Variants in CSMD1 observed in about 807,000 individuals in gnomAD.
The protein encoded by CSMD1 is CUB and Sushi multiple domains 1.
CSMD1 carries 213 observed loss-of-function variants against 417.5 expected under a neutral mutation model. The observed-to-expected ratio is 0.51, with a 90% CI of 0.46 to 0.57. The LOEUF (loss-of-function observed/expected upper bound fraction) is 0.57. Among genes scored for constraint, CSMD1 ranks in the 20% least tolerant of loss-of-function variants. The probability of loss-of-function intolerance (pLI) is 0.00; values close to 1 mark genes in which losing one functional copy is unlikely to be tolerated. For synonymous variants in CSMD1, 2,862 were observed against 1,736.8 expected (o/e 1.65, Z -16.11); for missense variants, 6,923 against 4,529.7 (o/e 1.53, Z -15.17).
intron 3 of CSMD1, among the ~76,000 whole-genome samples, chr8:4,333,629 GATCTAA>G (rs1425463284): frequency 6.6e-6 from 1 of 152,128 alleles, no homozygotes; most frequent in Non-Finnish European, 1.5e-5. Flanking sequence ...TAAGGAGAGT[GATCTAA>G]ATCTAGACAC....
chr8:4,077,654 G>T (rs997719182), intron 3 of CSMD1, among the ~76,000 whole-genome samples: 1 of 152,012 alleles, frequency 6.6e-6, no homozygotes, highest in Non-Finnish European at 1.5e-5. Context: ...CAAAAGGGAG[G>T]TATATTTGAT....
At chr8:3,134,360 A>G (rs1432374080) in intron 41 of CSMD1, among the ~76,000 whole-genome samples, 1 of 152,292 alleles carries the variant, frequency 6.6e-6, no homozygotes, top group East Asian at 1.9e-4. Context: ...TCTGGATTCC[A>G]CGGTCACAGG....
At chr8:2,984,142 G>C (rs1805653289) in intron 54 of CSMD1, among the ~76,000 whole-genome samples, 1 of 152,098 alleles carries the variant, frequency 6.6e-6, no homozygotes, top group Non-Finnish European at 1.5e-5. Context: ...CCATACATTT[G>C]GAGGTGCACT....
intron 5 of CSMD1, among the ~76,000 whole-genome samples, chr8:3,929,177 C>A (rs1412413113): frequency 1.3e-5 from 2 of 150,200 alleles, no homozygotes; most frequent in Admixed American, 1.3e-4. Flanking sequence ...AACAAGAGTG[C>A]AAGGCTGAGG....
At chr8:4,483,982 C>T (rs1334253218) in intron 2 of CSMD1, among the ~76,000 whole-genome samples, 3 of 152,072 alleles carry the variant, frequency 2.0e-5, no homozygotes, top group Admixed American at 2.0e-4. Flanking sequence ...TCGGAGAGAG[C>T]ACAGCCCTGG....
At chr8:3,123,798 C>T (rs1817345043) in intron 41 of CSMD1, among the ~76,000 whole-genome samples, 2 of 152,148 alleles carry the variant, frequency 1.3e-5, no homozygotes, top group South Asian at 4.1e-4. Context: ...CCTGGTGAAC[C>T]TTCACTTAAA....
intron 1 of CSMD1, among the ~76,000 whole-genome samples, chr8:4,905,619 G>A (rs60287847): frequency 0.056 from 8,433 of 151,458 alleles, 586 homozygotes; most frequent in African/African-American, 0.16. Flanking sequence ...TGAGATCGAG[G>A]CCATCCTGGC....
intron 3 of CSMD1, among the ~76,000 whole-genome samples, chr8:4,124,019 CTT>C (rs905792907): frequency 1.3e-5 from 2 of 150,592 alleles, no homozygotes; most frequent in African/African-American, 4.9e-5. Flanking sequence ...GATTATCTAA[CTT>C]TTTTTTTTCT....
rs156067 is a variant in CSMD1 at position 3,335,184 on chromosome 8, T to C, written c.3631+8110A>G. ...TCTCCCTCCCTCTCATGTCACTTGT[T>C]AGGGGTATTGGTGAACCAGCCTCTA... On this transcript the variant is annotated intron_variant, in intron 23 of 69. Transcript: ENST00000635120. Among the ~76,000 whole-genome samples the C allele has an allele frequency of 8.9e-3, 1,356 of 152,244 alleles. 25 individuals carry two copies. The highest frequency in any genetic ancestry group is 0.03 in the African/African-American group (1,261 of 41,544).
chr8:4,218,168 G>C (rs1800798247), intron 3 of CSMD1, among the ~76,000 whole-genome samples: 1 of 152,134 alleles, frequency 6.6e-6, no homozygotes, highest in Admixed American at 6.5e-5. Context: ...TCTAGTAATG[G>C]AACACTAGTT....
intron 3 of CSMD1, among the ~76,000 whole-genome samples, chr8:4,120,997 T>G (rs1011905647): frequency 5.3e-5 from 8 of 152,190 alleles, no homozygotes; most frequent in African/African-American, 1.9e-4. Flanking sequence ...ACATGAACCT[T>G]TTGATGGCTT....
At chr8:3,568,274 A>G (rs1799800423) in intron 10 of CSMD1, among the ~76,000 whole-genome samples, 1 of 152,178 alleles carries the variant, frequency 6.6e-6, no homozygotes, top group Non-Finnish European at 1.5e-5. Context: ...TACTCATCAG[A>G]ACACCTGTCA....
chr8:4,169,786 A>T (rs962130345), intron 3 of CSMD1, among the ~76,000 whole-genome samples: 9 of 152,034 alleles, frequency 5.9e-5, no homozygotes, highest in African/African-American at 2.2e-4. Flanking sequence ...TTTACCGTTA[A>T]ACGTATCTTC....
chr8:3,499,287 G>A (rs995315278), intron 10 of CSMD1, among the ~76,000 whole-genome samples: 2 of 152,290 alleles, frequency 1.3e-5, no homozygotes, highest in South Asian at 4.1e-4. Flanking sequence ...AGCTGTCTGA[G>A]TAGCCTTGGC....
chr8:3,299,515 C>A (rs1191880268), intron 25 of CSMD1, among the ~76,000 whole-genome samples: 1 of 152,080 alleles, frequency 6.6e-6, no homozygotes, highest in Non-Finnish European at 1.5e-5. Flanking sequence ...GATACAGGCA[C>A]GTGAGGAAAA....
At chr8:4,480,198 A>C (rs944543382) in intron 2 of CSMD1, among the ~76,000 whole-genome samples, 7 of 151,332 alleles carry the variant, frequency 4.6e-5, no homozygotes, top group South Asian at 2.1e-4. Context: ...AAAAAAAAAA[A>C]AACAAAAAAA....
intron 1 of CSMD1, among the ~76,000 whole-genome samples, chr8:4,829,578 G>A (rs1800024352): frequency 6.6e-6 from 1 of 151,928 alleles, no homozygotes. Context: ...CATCTTTATA[G>A]AAAATTTACA....
intron 1 of CSMD1, chr8:4,788,234 A>C (rs933085523): frequency 6.3e-7 from 1 of 1,588,444 alleles, no homozygotes; most frequent in African/African-American, 1.3e-5. Flanking sequence ...GACCAGATGA[A>C]ACTCTGAGGG....
At chr8:3,587,829 G>T (rs1477195971) in intron 8 of CSMD1, among the ~76,000 whole-genome samples, 1 of 152,060 alleles carries the variant, frequency 6.6e-6, no homozygotes, top group African/African-American at 2.4e-5. Flanking sequence ...ATCTGTCTAG[G>T]AAGTTCTTTT....
Sources: gnomAD v4.1 joint callset for allele counts (sites outside exome capture counted in the v4.1 genomes callset) on GRCh38, gnomAD v4.1.1 for gene constraint, MANE v1.5 for transcripts, NCBI Gene and HGNC (gene_info 2026-07-23, HGNC 2026-07-21) for gene names.